Variants in TRDN observed in about 807,000 individuals in gnomAD.
TRDN encodes the protein triadin in skeletal muscle.
In TRDN, 161 loss-of-function variants were observed where a neutral mutation model predicts 149.7. That is an observed-to-expected ratio of 1.08 (90% CI 0.95 to 1.23). TRDN has a LOEUF of 1.23. TRDN is among the 50% of genes most tolerant of loss of function. The pLI is 0.00. For synonymous variants in TRDN, 294 were observed against 250.5 expected, an observed-to-expected ratio of 1.17 and a Z score of -1.64; for missense variants, 896 against 823.5, an observed-to-expected ratio of 1.09 and a Z score of -1.08.
intron 23 of TRDN, among the ~76,000 whole-genome samples, chr6:123,317,856 C>T (rs982573565): frequency 5.3e-5 from 8 of 151,808 alleles, no homozygotes; most frequent in Admixed American, 2.0e-4. Context: ...CTAAAGGCTC[C>T]CTGTTGGGTA....
chr6:123,245,492 C>T (rs971202383), intron 38 of TRDN, among the ~76,000 whole-genome samples: 3 of 151,994 alleles, frequency 2.0e-5, no homozygotes, highest in Non-Finnish European at 4.4e-5. Flanking sequence ...TGAAAAGAGA[C>T]AAAGGAGGGC....
intron 32 of TRDN, among the ~76,000 whole-genome samples, chr6:123,265,783 C>G (rs1041328997): frequency 5.2e-5 from 5 of 95,324 alleles, no homozygotes; most frequent in Admixed American, 4.9e-4. Context: ...TATACTAACT[C>G]TCCCAATCCC....
At chr6:123,292,510 C>T (rs1473245182) in intron 24 of TRDN, among the ~76,000 whole-genome samples, 2 of 152,174 alleles carry the variant, frequency 1.3e-5, no homozygotes, top group African/African-American at 4.8e-5. Context: ...GTTCAAAAGG[C>T]TTTCCACTAT....
rs532739150 is a variant in TRDN, at chr6:123,627,461, G to A, written c.22+9293C>T. ...CTTAAAATATTCAGTAAACTATGTTGTAAACAGATGTGCTGTCATGCAGGC... is the reference window on the plus strand; with the variant it reads ...CTTAAAATATTCAGTAAACTATGTTATAAACAGATGTGCTGTCATGCAGGC... On this transcript the variant is annotated intron_variant, in intron 1 of 40. Coordinates refer to ENST00000334268, the MANE Select transcript of TRDN (RefSeq NM_006073.4). Among the ~76,000 whole-genome samples, 8 of 152,122 alleles carry A rather than the reference G, an allele frequency of 5.3e-5. No homozygotes were observed. The East Asian group carries it at 1.5e-3, about 29-fold the overall frequency.
chr6:123,251,929 T>C (rs9401644), intron 38 of TRDN, among the ~76,000 whole-genome samples: 26,821 of 151,926 alleles, frequency 0.18, 3,077 homozygotes, highest in East Asian at 0.54. Context: ...ACAATTATAT[T>C]ACAATTTAGG....
chr6:123,612,867 G>A (rs1019481370), intron 1 of TRDN, among the ~76,000 whole-genome samples: 1 of 152,168 alleles, frequency 6.6e-6, no homozygotes, highest in Non-Finnish European at 1.5e-5. Flanking sequence ...CAGACTAGAA[G>A]TAGTCTCCAG....
At chr6:123,607,656 A>T (rs1784583925) in intron 1 of TRDN, among the ~76,000 whole-genome samples, 1 of 152,178 alleles carries the variant, frequency 6.6e-6, no homozygotes, top group Non-Finnish European at 1.5e-5. Context: ...TATAGAAATT[A>T]TACAACTTGC....
At chr6:123,322,377 T>C (rs1779273066) in intron 23 of TRDN, among the ~76,000 whole-genome samples, 1 of 152,146 alleles carries the variant, frequency 6.6e-6, no homozygotes, top group Non-Finnish European at 1.5e-5. Flanking sequence ...TAATATGTGA[T>C]CTCTGAAACT....
intron 12 of TRDN, among the ~76,000 whole-genome samples, chr6:123,430,288 T>C (rs1194761926): frequency 6.7e-6 from 1 of 150,232 alleles, no homozygotes; most frequent in East Asian, 2.0e-4. Context: ...ATAATAATAA[T>C]AACAATAAAA....
At chr6:123,506,143 C>T (rs1302571829) in intron 7 of TRDN, among the ~76,000 whole-genome samples, 2 of 152,116 alleles carry the variant, frequency 1.3e-5, no homozygotes, top group Non-Finnish European at 2.9e-5. Flanking sequence ...GAGTGGTCAA[C>T]AGCACCTCAA....
intron 5 of TRDN, chr6:123,529,027 C>A (rs1403475894): frequency 7.4e-6 from 10 of 1,357,780 alleles, no homozygotes; most frequent in African/African-American, 1.5e-5. Flanking sequence ...GTTTAATAAA[C>A]CTACTCTACA....
At chr6:123,504,184 T>A (rs1778818609) in intron 7 of TRDN, among the ~76,000 whole-genome samples, 1 of 152,054 alleles carries the variant, frequency 6.6e-6, no homozygotes, top group Admixed American at 6.5e-5. Context: ...CACTATTTTT[T>A]AAGGCAATAG....
intron 12 of TRDN, chr6:123,411,976 T>C (rs1773459214): frequency 6.6e-6 from 1 of 152,120 alleles, no homozygotes; most frequent in African/African-American, 2.4e-5. Context: ...TTAGAGACAG[T>C]TTTTACCAGC....
intron 1 of TRDN, among the ~76,000 whole-genome samples, chr6:123,620,426 T>G (rs2114708493): frequency 6.6e-6 from 1 of 152,266 alleles, no homozygotes; most frequent in East Asian, 1.9e-4. Context: ...TATTCGGAAT[T>G]TTCTCAAAGT....
intron 12 of TRDN, among the ~76,000 whole-genome samples, chr6:123,401,568 G>C (rs925871822): frequency 6.6e-6 from 1 of 152,102 alleles, no homozygotes; most frequent in Non-Finnish European, 1.5e-5. Context: ...GCTTAGGAAT[G>C]CTGTGTGAAA....
chr6:123,415,725 G>C (rs1002900277), intron 12 of TRDN, among the ~76,000 whole-genome samples: 6 of 152,084 alleles, frequency 3.9e-5, no homozygotes, highest in Non-Finnish European at 7.4e-5. Flanking sequence ...AAAGGTCAAT[G>C]GTACCTCAGT....
intron 9 of TRDN, 112 bp from the exon 10 acceptor site, chr6:123,465,095 A>G: frequency 8.8e-7 from 1 of 1,140,406 alleles, no homozygotes; most frequent in South Asian, 2.0e-5. Context: ...TACCAAGCCA[A>G]GTATAAATCA....
At position 123,217,124 on chromosome 6, in the gene TRDN, T is replaced by C. The variant is rs1337845150; in HGVS notation, c.*1477A>G. The C allele has an allele frequency of 1.3e-5, 2 of 151,998 alleles. No homozygotes were observed. The highest frequency in any genetic ancestry group is 2.4e-5 in the African/African-American group (1 of 41,420). 9.4% of individuals were successfully genotyped at this position (151,998 alleles called of 1,614,324 possible). A position where few individuals can be genotyped will look rare whatever the true frequency, so the allele number is the denominator to read the frequency against. On this transcript the variant is annotated 3_prime_UTR_variant, in exon 41 of 41. Transcript: ENST00000334268. Reference sequence around the variant, plus strand: ...GTCATTAATCTGGTTCATGTGACACTGGCTTTCGTGGTGTGAATGTGGTCC... The same window carrying C: ...GTCATTAATCTGGTTCATGTGACACCGGCTTTCGTGGTGTGAATGTGGTCC...
chr6:123,266,485 T>C (rs1442731833), intron 32 of TRDN, among the ~76,000 whole-genome samples: 2 of 54,448 alleles, frequency 3.7e-5, no homozygotes. Flanking sequence ...TATATTATAA[T>C]ATGTATTATA....
Sources: allele counts gnomAD v4.1 joint callset (sites outside exome capture counted in the v4.1 genomes callset), GRCh38; gene constraint gnomAD v4.1.1; transcripts MANE v1.5; gene names NCBI Gene and HGNC (gene_info 2026-07-23, HGNC 2026-07-21).